SOX6: variants seen among roughly 807,000 people sequenced by gnomAD.
SOX6 encodes the protein SRY-box transcription factor 6, also known as transcription factor SOX-6.
In SOX6, 11 loss-of-function variants were observed where a neutral mutation model predicts 97.8. The observed-to-expected ratio is 0.11, with a 90% CI of 0.07 to 0.19. SOX6 has a LOEUF of 0.19. SOX6 is among the 10% of genes least tolerant of loss of function. SOX6 has a pLI of 1.00. For synonymous variants in SOX6, 360 were observed against 371.4 expected, an observed-to-expected ratio of 0.97 and a Z score of 0.35; for missense variants, 810 against 1,039.5, an observed-to-expected ratio of 0.78 and a Z score of 3.04.
At chr11:16,116,952 C>G (rs1177969417) in intron 6 of SOX6, among the ~76,000 whole-genome samples, 3 of 152,178 alleles carry the variant, frequency 2.0e-5, no homozygotes, top group Non-Finnish European at 4.4e-5. Flanking sequence ...ATCCCCCCTC[C>G]CCTACCCAGT....
chr11:16,541,881 T>G (rs1350240351), intron 4 of SOX6, among the ~76,000 whole-genome samples: 1 of 152,196 alleles, frequency 6.6e-6, no homozygotes, highest in Non-Finnish European at 1.5e-5. Context: ...GTAAATTAGT[T>G]CAACCATTGT....
At chr11:16,617,342 T>C (rs1848484247) in intron 3 of SOX6, among the ~76,000 whole-genome samples, 1 of 151,850 alleles carries the variant, frequency 6.6e-6, no homozygotes, top group East Asian at 1.9e-4. Context: ...TCTAGAATAG[T>C]AGGCTTTTGG....
At chr11:16,122,858 T>C (rs1364640348) in intron 6 of SOX6, among the ~76,000 whole-genome samples, 5 of 152,072 alleles carry the variant, frequency 3.3e-5, no homozygotes, top group Non-Finnish European at 7.4e-5. Flanking sequence ...CTGATGGTTT[T>C]TTAATCTGCT....
intron 4 of SOX6, among the ~76,000 whole-genome samples, chr11:16,565,556 A>G (rs1328142669): frequency 6.6e-6 from 1 of 152,114 alleles, no homozygotes. Context: ...ACCCACAAAC[A>G]AGTATCCACA....
At chr11:16,485,966 G>GGGAGA (rs1860424598) in intron 4 of SOX6, among the ~76,000 whole-genome samples, 1 of 12,762 alleles carries the variant, frequency 7.8e-5, no homozygotes, top group Non-Finnish European at 1.6e-4. Context: ...GGGAGGGGAG[G>GGGAGA]GGAGGGGAGG....
chr11:16,131,480 A>T (rs1849737698), intron 6 of SOX6, among the ~76,000 whole-genome samples: 1 of 152,100 alleles, frequency 6.6e-6, no homozygotes, highest in Admixed American at 6.6e-5. Flanking sequence ...CAGAACAACT[A>T]GAACTTTCAT....
chr11:16,273,798 G>T (rs1240931727), intron 3 of SOX6, among the ~76,000 whole-genome samples: 1 of 151,984 alleles, frequency 6.6e-6, no homozygotes, highest in Non-Finnish European at 1.5e-5. Context: ...TGTAAGAAGA[G>T]GGCCTTGTTC....
chr11:16,665,303 G>A (rs1468254066), intron 3 of SOX6, among the ~76,000 whole-genome samples: 1 of 152,054 alleles, frequency 6.6e-6, no homozygotes, highest in African/African-American at 2.4e-5. Flanking sequence ...AGGGCCAAAG[G>A]GGAGCCCACT....
chr11:16,679,699 C>T (rs1007098385), intron 3 of SOX6, among the ~76,000 whole-genome samples: 1 of 152,128 alleles, frequency 6.6e-6, no homozygotes, highest in Non-Finnish European at 1.5e-5. Flanking sequence ...TAACCCATCA[C>T]AAGGAAGTTA....
At chr11:16,680,289 G>A (rs998797341) in intron 3 of SOX6, among the ~76,000 whole-genome samples, 19 of 152,168 alleles carry the variant, frequency 1.2e-4, no homozygotes, top group African/African-American at 4.6e-4. Flanking sequence ...CCAGAAGAGA[G>A]TGGGGGCCAA....
At chr11:16,515,302 T>A (rs1426360540) in intron 4 of SOX6, among the ~76,000 whole-genome samples, 2 of 151,994 alleles carry the variant, frequency 1.3e-5, no homozygotes, top group South Asian at 2.1e-4. Context: ...GGCCAGTGAT[T>A]ATGAGCATTT....
At chr11:16,659,343 T>C (rs1604339) in intron 3 of SOX6, among the ~76,000 whole-genome samples, 25,321 of 152,216 alleles carry the variant, frequency 0.17, 2,213 homozygotes, top group Non-Finnish European at 0.18. Flanking sequence ...CAAAGATTAG[T>C]TGATTGTATT....
chr11:16,388,646 T>C (rs897131316), intron 1 of SOX6, among the ~76,000 whole-genome samples: 1 of 152,144 alleles, frequency 6.6e-6, no homozygotes, highest in Non-Finnish European at 1.5e-5. Context: ...GTTGTATAAC[T>C]TTTTGGCATA....
At chr11:16,143,459 C>T (rs1850203859) in intron 6 of SOX6, among the ~76,000 whole-genome samples, 1 of 152,110 alleles carries the variant, frequency 6.6e-6, no homozygotes, top group South Asian at 2.1e-4. Flanking sequence ...AGCAAAATAA[C>T]CAGCTAACAT....
intron 4 of SOX6, among the ~76,000 whole-genome samples, chr11:16,550,651 G>A (rs1589981935): frequency 1.3e-5 from 2 of 151,894 alleles, no homozygotes; most frequent in South Asian, 4.2e-4. Flanking sequence ...AGCAAAAACC[G>A]CAACAGTGTA....
At chr11:16,436,922 C>G (rs1859386101) in intron 1 of SOX6, among the ~76,000 whole-genome samples, 1 of 151,930 alleles carries the variant, frequency 6.6e-6, no homozygotes, top group Non-Finnish European at 1.5e-5. Context: ...CTCTGTGAAC[C>G]AAGCATAAAA....
At position 16,096,236 on chromosome 11, in the gene SOX6, A is replaced by G; in HGVS notation, c.979-118T>C. ...GACCACATCAAAAAATAGAAAGTAG[A>G]AAGTTTAAGACTCAGTTTCTTTCTT... On this transcript the variant is annotated intron_variant, in intron 8 of 15. Coordinates refer to ENST00000683767, the MANE Select transcript of SOX6 (RefSeq NM_001367873.1). 4.0e-6 allele frequency: 5 copies of G among 1,240,714 alleles called. No individual in the cohort carries two copies. The South Asian group carries it at 6.7e-5, about 17-fold the overall frequency. The allele number at this position is 1,240,714 out of a possible 1,614,324, so 76.9% of individuals were successfully genotyped here. A position where few individuals can be genotyped will look rare whatever the true frequency, so the allele number is the denominator to read the frequency against.
chr11:16,019,250 T>C (rs982065489), intron 12 of SOX6, among the ~76,000 whole-genome samples: 3 of 152,156 alleles, frequency 2.0e-5, no homozygotes, highest in African/African-American at 7.2e-5. Flanking sequence ...AGAGGTTTTT[T>C]GTTTGCTGCT....
chr11:16,117,060 G>T (rs1013259283), intron 6 of SOX6, among the ~76,000 whole-genome samples: 3 of 152,114 alleles, frequency 2.0e-5, no homozygotes, highest in African/African-American at 7.2e-5. Context: ...TTTAAAACAA[G>T]CAAAGGCAGC....
Sources: allele counts gnomAD v4.1 joint callset (sites outside exome capture counted in the v4.1 genomes callset), GRCh38; gene constraint gnomAD v4.1.1; transcripts MANE v1.5; gene names NCBI Gene and HGNC (gene_info 2026-07-23, HGNC 2026-07-21).